Variants in MIPOL1 observed in about 807,000 individuals in gnomAD.
MIPOL1 encodes the protein mirror-image polydactyly gene 1 protein.
In MIPOL1, 57 loss-of-function variants were observed where a neutral mutation model predicts 60.9. The observed-to-expected ratio is 0.94, with a 90% CI of 0.76 to 1.17. MIPOL1 has a LOEUF of 1.17. Among genes scored for constraint, MIPOL1 ranks in the 50% most tolerant of loss-of-function variants. MIPOL1 has a pLI of 0.00. For synonymous variants in MIPOL1, 179 were observed against 168.8 expected, an observed-to-expected ratio of 1.06 and a Z score of -0.47; for missense variants, 551 against 511.6, an observed-to-expected ratio of 1.08 and a Z score of -0.74.
chr14:37,297,423 C>T (rs1207766804), intron 7 of MIPOL1, among the ~76,000 whole-genome samples: 1 of 152,186 alleles, frequency 6.6e-6, no homozygotes, highest in Non-Finnish European at 1.5e-5. Context: ...CTCACCACTC[C>T]TATTCAACAT....
At chr14:37,453,204 C>T (rs1167117010) in intron 11 of MIPOL1, among the ~76,000 whole-genome samples, 10 of 152,062 alleles carry the variant, frequency 6.6e-5, no homozygotes, top group Non-Finnish European at 1.5e-4. Flanking sequence ...TAGCCATATT[C>T]TTTGTGTCTT....
Position 37,251,602 on chromosome 14 carries a change from C to G in MIPOL1, c.19+3695C>G, listed in dbSNP as rs528163116. Among the ~76,000 whole-genome samples the G allele has an allele frequency of 6.8e-4, 102 of 150,222 alleles. 1 individual carries two copies. In the Middle Eastern group the frequency reaches 0.011, roughly 16 times the overall value. Reference sequence around the variant, plus strand: ...ATGTCATAATCAAAGGAGTTTATACCCTCTGAAATAATGAGTTGTTAAATT... The same window carrying G: ...ATGTCATAATCAAAGGAGTTTATACGCTCTGAAATAATGAGTTGTTAAATT... On this transcript the variant is annotated intron_variant, in intron 3 of 12. Transcript: ENST00000684589.
chr14:37,419,481 A>G (rs145227176), intron 10 of MIPOL1, among the ~76,000 whole-genome samples: 2 of 152,202 alleles, frequency 1.3e-5, no homozygotes, highest in South Asian at 2.1e-4. Context: ...CCTTATATAA[A>G]TTATGACTCA....
intron 11 of MIPOL1, among the ~76,000 whole-genome samples, chr14:37,487,519 G>C (rs2094968575): frequency 6.6e-6 from 1 of 152,150 alleles, no homozygotes; most frequent in Non-Finnish European, 1.5e-5. Context: ...TTCAGAACTT[G>C]TTATTGGTCT....
At chr14:37,484,137 T>A (rs2153600596) in intron 11 of MIPOL1, among the ~76,000 whole-genome samples, 1 of 152,242 alleles carries the variant, frequency 6.6e-6, no homozygotes, top group African/African-American at 2.4e-5. Flanking sequence ...TTGGCGTTAG[T>A]TTTTTGAAGT....
intron 11 of MIPOL1, among the ~76,000 whole-genome samples, chr14:37,451,808 C>CTCTTTTTT (rs1418256414): frequency 1.2e-5 from 1 of 84,598 alleles, no homozygotes; most frequent in African/African-American, 6.4e-5. Context: ...TTTATTCTCT[C>CTCTTTTTT]TTTTTTTTTT....
At chr14:37,299,301 AG>A (rs2086130221) in intron 7 of MIPOL1, among the ~76,000 whole-genome samples, 1 of 109,492 alleles carries the variant, frequency 9.1e-6, no homozygotes, top group South Asian at 3.0e-4. Context: ...GGGTAGGGAG[AG>A]GGGGGCGGGA....
At chr14:37,474,747 A>C (rs2094743134) in intron 11 of MIPOL1, among the ~76,000 whole-genome samples, 1 of 152,164 alleles carries the variant, frequency 6.6e-6, no homozygotes, top group Admixed American at 6.5e-5. Context: ...TTGCATCCCC[A>C]CCAGCAATGA....
intron 6 of MIPOL1, chr14:37,278,641 A>G (rs979404147): frequency 1.3e-5 from 2 of 151,788 alleles, no homozygotes; most frequent in Non-Finnish European, 3.0e-5. Flanking sequence ...CATAACTACC[A>G]TAAGATGTTA....
At chr14:37,358,842 A>T (rs1239672985) in intron 9 of MIPOL1, among the ~76,000 whole-genome samples, 1 of 151,946 alleles carries the variant, frequency 6.6e-6, no homozygotes, top group Non-Finnish European at 1.5e-5. Flanking sequence ...GTTTAATCAG[A>T]TCCTATTTGT....
intron 1 of MIPOL1, among the ~76,000 whole-genome samples, chr14:37,233,429 A>G (rs1457256218): frequency 2.0e-5 from 3 of 152,198 alleles, no homozygotes; most frequent in South Asian, 2.1e-4. Flanking sequence ...TAAAAAATAT[A>G]AACTTTATTT....
At chr14:37,361,172 G>A (rs1310435421) in intron 9 of MIPOL1, among the ~76,000 whole-genome samples, 3 of 152,138 alleles carry the variant, frequency 2.0e-5, no homozygotes, top group African/African-American at 7.2e-5. Context: ...ATTGCACTGT[G>A]GTCTGAGAGA....
rs78530335 is a variant in MIPOL1 at position 37,198,659 on chromosome 14, G to A, written c.-199+555G>A. Among the ~76,000 whole-genome samples, 857 of 152,270 alleles carry A rather than the reference G, an allele frequency of 5.6e-3. 8 individuals carry two copies. Among genetic ancestry groups the A allele is most frequent in the African/African-American group, 0.02 (835 of 41,538 alleles). ...GGAAGCATTTTAAGCTCTATGGATG[G>A]AGGGAACAAGACAGCCGCATTATTA... On this transcript the variant is annotated intron_variant, in intron 1 of 12. Coordinates refer to ENST00000684589, the MANE Select transcript of MIPOL1 (RefSeq NM_001388067.1).
chr14:37,261,187 A>G (rs901052698), intron 3 of MIPOL1, among the ~76,000 whole-genome samples: 5 of 151,956 alleles, frequency 3.3e-5, no homozygotes, highest in Middle Eastern at 3.2e-3. Context: ...ATTAGGTGGC[A>G]TTCTATTTAT....
At chr14:37,342,003 A>T (rs1219802106) in intron 9 of MIPOL1, among the ~76,000 whole-genome samples, 2 of 152,196 alleles carry the variant, frequency 1.3e-5, no homozygotes, top group Non-Finnish European at 2.9e-5. Flanking sequence ...AATTTAATAC[A>T]TATATTTGGA....
intron 12 of MIPOL1, among the ~76,000 whole-genome samples, chr14:37,522,759 G>A (rs1319263356): frequency 1.3e-5 from 2 of 152,194 alleles, no homozygotes; most frequent in East Asian, 3.9e-4. Context: ...AGTATAAATT[G>A]TTTGTACTAT....
chr14:37,285,541 C>T (rs2084484115), intron 7 of MIPOL1, 94 bp downstream of exon 7: 1 of 1,273,228 alleles, frequency 7.9e-7, no homozygotes, highest in Non-Finnish European at 1.1e-6. Context: ...GTGACTTATG[C>T]TTATGTGTTA....
intron 1 of MIPOL1, among the ~76,000 whole-genome samples, chr14:37,230,441 G>A (rs1298512928): frequency 6.6e-6 from 1 of 152,134 alleles, no homozygotes; most frequent in African/African-American, 2.4e-5. Flanking sequence ...TGCTTGCAGG[G>A]TGTTGCTCCA....
chr14:37,511,258 G>A (rs1041867243), intron 12 of MIPOL1, among the ~76,000 whole-genome samples: 1 of 152,130 alleles, frequency 6.6e-6, no homozygotes, highest in East Asian at 1.9e-4. Context: ...TGGCCCACCT[G>A]TCATAAAGCC....
Sources: gnomAD v4.1 joint callset for allele counts (sites outside exome capture counted in the v4.1 genomes callset) on GRCh38, gnomAD v4.1.1 for gene constraint, MANE v1.5 for transcripts, NCBI Gene and HGNC (gene_info 2026-07-23, HGNC 2026-07-21) for gene names.